IFT140: variants seen among roughly 807,000 people sequenced by gnomAD.
IFT140 encodes the protein intraflagellar transport 140, also known as intraflagellar transport protein 140 homolog.
In IFT140, 133 loss-of-function variants were observed where a neutral mutation model predicts 164.6. The observed-to-expected ratio is 0.81, with a 90% CI of 0.70 to 0.93. The LOEUF is 0.93. IFT140 is among the 40% of genes least tolerant of loss of function. The pLI, the probability that IFT140 is intolerant of heterozygous loss-of-function variation, is 0.00. For synonymous variants in IFT140, 860 were observed against 817.3 expected (o/e 1.05, Z -0.89); for missense variants, 2,045 against 1,972.3 (o/e 1.04, Z -0.70).
intron 17 of IFT140, among the ~76,000 whole-genome samples, chr16:1,563,542 G>A (rs1394910248): frequency 6.6e-6 from 1 of 152,026 alleles, no homozygotes; most frequent in African/African-American, 2.4e-5. Context: ...ATGCCATTCA[G>A]GTCAGACCAG....
chr16:1,559,626 C>T (rs1057029547), intron 18 of IFT140, among the ~76,000 whole-genome samples: 3 of 152,210 alleles, frequency 2.0e-5, no homozygotes, highest in Admixed American at 6.5e-5. Context: ...TCCCACACAG[C>T]AGAGGAAAGA....
chr16:1,568,415 C>G, intron 14 of IFT140, 81 bp from the exon 15 acceptor site: 1 of 1,121,592 alleles, frequency 8.9e-7, no homozygotes, highest in South Asian at 1.3e-5. Context: ...CTCTGTTCAC[C>G]GGATGAGTGC....
rs2036292721 is a variant in IFT140 at position 1,610,689 on chromosome 16, G to A, written c.-57C>T. 1 of 152,648 alleles carries A rather than the reference G, an allele frequency of 6.6e-6. No homozygotes were observed. The highest frequency in any genetic ancestry group is 1.5e-5 in the Non-Finnish European group (1 of 68,160). 9.5% of individuals were successfully genotyped at this position (152,648 alleles called of 1,614,324 possible). A position where few individuals can be genotyped will look rare whatever the true frequency, so the allele number is the denominator to read the frequency against. On this transcript the variant is annotated 5_prime_UTR_variant, in exon 2 of 31. Coordinates refer to ENST00000426508, the MANE Select transcript of IFT140 (RefSeq NM_014714.4). ...CTCTGCCAGGCCGCTGAGCCGCCGC[G>A]CGTTGCCGGGACAACGGCGCGCCAG... is the stretch of plus-strand genomic sequence containing the variant.
At chr16:1,532,104 C>T (rs554186279) in intron 19 of IFT140, 9 of 152,500 alleles carry the variant, frequency 5.9e-5, no homozygotes, top group South Asian at 2.1e-4. Context: ...CGTCCACCTC[C>T]GAGGAGCAGG....
At chr16:1,545,066 C>G (rs988628346) in intron 19 of IFT140, among the ~76,000 whole-genome samples, 1 of 152,240 alleles carries the variant, frequency 6.6e-6, no homozygotes, top group African/African-American at 2.4e-5. Flanking sequence ...TATTTCAGGA[C>G]AAGATAGTGT....
chr16:1,527,953 G>A (rs945126511), intron 19 of IFT140, among the ~76,000 whole-genome samples: 2 of 152,214 alleles, frequency 1.3e-5, no homozygotes, highest in Non-Finnish European at 2.9e-5. Flanking sequence ...TGAGGACTTG[G>A]TTTGTGTCAG....
intron 19 of IFT140, chr16:1,542,106 G>C (rs371134643): frequency 3.9e-6 from 6 of 1,553,768 alleles, no homozygotes; most frequent in Non-Finnish European, 5.2e-6. Flanking sequence ...TGGCCACCGC[G>C]CCCTTGCCCC....
rs1390168202 is a variant in IFT140 at position 1,592,214 on chromosome 16, G to A, written c.596C>T (p.Ser199Phe). ...SSSGSLLKMG[S>F]HEGLLFFVSL... is the part of the protein sequence containing the mutation. ...GACAAAGAACAACAGCCCCTCGTGAGACCCCATCTTCAGCAAACTTCCAGA... is the reference window on the plus strand; with the variant it reads ...GACAAAGAACAACAGCCCCTCGTGAAACCCCATCTTCAGCAAACTTCCAGA... The change falls in exon 6 of 31, where the codon TCT (serine) becomes TTT (phenylalanine). Residue 199 changes from serine to phenylalanine, a missense_variant. Transcript: ENST00000426508. The A allele has an allele frequency of 6.2e-7, 1 of 1,614,036 alleles. No individual in the cohort carries two copies. Among genetic ancestry groups the A allele is most frequent in the African/African-American group, 1.3e-5 (1 of 74,916 alleles).
intron 29 of IFT140, among the ~76,000 whole-genome samples, chr16:1,519,084 C>T (rs957716151): frequency 5.3e-5 from 8 of 152,336 alleles, no homozygotes; most frequent in African/African-American, 1.2e-4. Flanking sequence ...CAGCTGCTAT[C>T]GATTCTCCTC....
intron 6 of IFT140, among the ~76,000 whole-genome samples, chr16:1,591,286 C>T (rs545405222): frequency 6.6e-6 from 1 of 152,318 alleles, no homozygotes; most frequent in East Asian, 1.9e-4. Context: ...TGGCACGCCC[C>T]CTCCTTGCCA....
At chr16:1,543,279 T>C (rs1022154026) in intron 19 of IFT140, among the ~76,000 whole-genome samples, 5 of 152,350 alleles carry the variant, frequency 3.3e-5, no homozygotes, top group African/African-American at 1.2e-4. Flanking sequence ...CCAGAGTGAA[T>C]CATTCTAGGA....
At chr16:1,526,339 A>T in intron 20 of IFT140, 1 of 566,366 alleles carries the variant, frequency 1.8e-6, no homozygotes, top group Non-Finnish European at 3.1e-6. Flanking sequence ...CCTCCCCAGA[A>T]GTCCCGTGCT....
intron 18 of IFT140, among the ~76,000 whole-genome samples, chr16:1,561,281 C>A (rs1162089930): frequency 1.3e-5 from 2 of 152,250 alleles, no homozygotes; most frequent in African/African-American, 4.8e-5. Flanking sequence ...CACGCCCTCT[C>A]AGAAGCAGAG....
chr16:1,520,453 G>T, intron 27 of IFT140, 110 bp from the exon 28 acceptor site: 1 of 1,359,252 alleles, frequency 7.4e-7, no homozygotes, highest in Non-Finnish European at 1.0e-6. Flanking sequence ...CTGCCCGGTA[G>T]AGAGAGATCT....
chr16:1,584,716 A>G (rs1303780216), intron 10 of IFT140, among the ~76,000 whole-genome samples: 1 of 152,108 alleles, frequency 6.6e-6, no homozygotes. Context: ...AGTGGGACAC[A>G]CTTTTCTGAG....
At chr16:1,603,486 C>T (rs1166935051) in intron 3 of IFT140, among the ~76,000 whole-genome samples, 1 of 147,974 alleles carries the variant, frequency 6.8e-6, no homozygotes. Flanking sequence ...TGCGTTTCCT[C>T]TTTTTTTTTT....
chr16:1,563,986 G>A lies in IFT140; in HGVS notation c.2067+11C>T, dbSNP rs2141539774. On this transcript the variant is annotated intron_variant, in intron 17 of 30. Transcript: ENST00000426508. ...GTGTGTCTAAACTCAAATACAACAGGCAGAGCGTACCGCAGGGCCAGCGCG... is the reference window on the plus strand; with the variant it reads ...GTGTGTCTAAACTCAAATACAACAGACAGAGCGTACCGCAGGGCCAGCGCG... 1 of 1,555,690 alleles carries A rather than the reference G, an allele frequency of 6.4e-7. No individual in the cohort carries two copies. The highest frequency in any genetic ancestry group is 1.2e-5 in the South Asian group (1 of 85,716).
At chr16:1,555,224 A>G in intron 19 of IFT140, 1 of 661,290 alleles carries the variant, frequency 1.5e-6, no homozygotes, top group Non-Finnish European at 2.5e-6. Flanking sequence ...TCGTGGGCCA[A>G]CCTCGTTCTG....
At chr16:1,578,837 GAGT>G (rs1262614082) in intron 13 of IFT140, among the ~76,000 whole-genome samples, 2 of 152,214 alleles carry the variant, frequency 1.3e-5, no homozygotes, top group Non-Finnish European at 2.9e-5. Context: ...TCAGTCTCCT[GAGT>G]AGCTGGCACT....
Sources: gnomAD v4.1 joint callset for allele counts (sites outside exome capture counted in the v4.1 genomes callset) on GRCh38, gnomAD v4.1.1 for gene constraint, MANE v1.5 for transcripts, NCBI Gene and HGNC (gene_info 2026-07-23, HGNC 2026-07-21) for gene names.